CASR: variants seen among roughly 807,000 people sequenced by gnomAD.
CASR encodes extracellular calcium-sensing receptor.
A neutral mutation model predicts 69.1 loss-of-function variants in CASR; 23 were observed. The ratio of observed to expected loss-of-function variants is 0.33; its 90% CI spans 0.24 to 0.47. The LOEUF (loss-of-function observed/expected upper bound fraction) is 0.47, where lower values mean the gene tolerates loss of function less well. Among genes scored for constraint, CASR ranks in the 20% least tolerant of loss-of-function variants. The probability of loss-of-function intolerance (pLI) is 1.00; values close to 1 mark genes in which losing one functional copy is unlikely to be tolerated. For missense variants in CASR, 924 were observed against 1,356.1 expected (o/e 0.68, Z 5.00); for synonymous variants, 541 against 544.7 (o/e 0.99, Z 0.10).
intron 1 of CASR, among the ~76,000 whole-genome samples, chr3:122,215,322 T>A (rs1242625686): frequency 6.6e-6 from 1 of 152,240 alleles, no homozygotes; most frequent in Non-Finnish European, 1.5e-5. Flanking sequence ...CCATGATGCT[T>A]CCACGTCGCT....
At chr3:122,244,768 A>C (rs1217886233) in intron 1 of CASR, among the ~76,000 whole-genome samples, 1 of 152,196 alleles carries the variant, frequency 6.6e-6, no homozygotes, top group African/African-American at 2.4e-5. Context: ...TTTAAGAGTG[A>C]GAGAAAGATA....
intron 1 of CASR, among the ~76,000 whole-genome samples, chr3:122,252,409 A>AGAAGAAAG (rs1553765626): frequency 1.5e-4 from 1 of 6,474 alleles, no homozygotes; most frequent in East Asian, 9.6e-4. Flanking sequence ...GAAGGAAGGA[A>AGAAGAAAG]AAAGAAAGAA....
chr3:122,240,488 C>T (rs544203976), intron 1 of CASR, among the ~76,000 whole-genome samples: 2 of 152,188 alleles, frequency 1.3e-5, no homozygotes, highest in South Asian at 2.1e-4. Context: ...GAGGGTATAA[C>T]AATTTTAAAT....
chr3:122,238,790 C>T (rs2074353711), intron 1 of CASR, among the ~76,000 whole-genome samples: 1 of 152,224 alleles, frequency 6.6e-6, no homozygotes, highest in Non-Finnish European at 1.5e-5. Context: ...ATTCCAGGCC[C>T]TAGTTCCTTG....
intron 6 of CASR, 132 bp from the exon 7 acceptor site, chr3:122,283,555 T>G: frequency 1.4e-6 from 1 of 738,210 alleles, no homozygotes; most frequent in South Asian, 1.5e-5. Context: ...AAAATCAGAA[T>G]GATTTCATCA....
chr3:122,193,130 T>C (rs1019770226), intron 1 of CASR, among the ~76,000 whole-genome samples: 4 of 152,208 alleles, frequency 2.6e-5, no homozygotes, highest in African/African-American at 9.6e-5. Flanking sequence ...ACCTTTTCAT[T>C]TCTGAAAATC....
rs144683594 is a variant in CASR at position 122,270,069 on chromosome 3, T to C, written c.1378-5743T>C. Among the ~76,000 whole-genome samples, 1,495 of 152,272 alleles carry C rather than the reference T, an allele frequency of 9.8e-3. 16 individuals are homozygous for C. Among genetic ancestry groups the C allele is most frequent in the Non-Finnish European group, 0.015 (1,011 of 68,016 alleles). On this transcript the variant is annotated intron_variant, in intron 4 of 6. Coordinates refer to ENST00000639785, the MANE Select transcript of CASR (RefSeq NM_000388.4). ...GTCGACCAGGCTCGTCTCTAACTCC[T>C]GGCCTCAAGTGATCCACCCACCTCG...
At chr3:122,251,112 C>T (rs1307705324) in intron 1 of CASR, among the ~76,000 whole-genome samples, 1 of 152,172 alleles carries the variant, frequency 6.6e-6, no homozygotes, top group Non-Finnish European at 1.5e-5. Context: ...TGAGCGTCTG[C>T]TGGGGTCATC....
chr3:122,226,152 C>A (rs1186774209), intron 1 of CASR, among the ~76,000 whole-genome samples: 1 of 152,160 alleles, frequency 6.6e-6, no homozygotes, highest in Non-Finnish European at 1.5e-5. Flanking sequence ...GCCACGGACC[C>A]TCACGGTGAG....
intron 1 of CASR, among the ~76,000 whole-genome samples, chr3:122,222,838 T>TAAA (rs56177249): frequency 1.3e-5 from 2 of 149,766 alleles, no homozygotes. Flanking sequence ...CTCAACAAAT[T>TAAA]AAAAAAAAAA....
intron 1 of CASR, among the ~76,000 whole-genome samples, chr3:122,242,670 AC>A (rs2074389401): frequency 6.6e-6 from 1 of 152,310 alleles, no homozygotes; most frequent in South Asian, 2.1e-4. Flanking sequence ...AATAGAAAAA[AC>A]AATCCTAAAA....
chr3:122,254,963 C>A (rs1426021967), intron 2 of CASR, among the ~76,000 whole-genome samples: 1 of 149,304 alleles, frequency 6.7e-6, no homozygotes, highest in Non-Finnish European at 1.5e-5. Context: ...ACCCTCCCCA[C>A]CCCCCATCCA....
intron 1 of CASR, among the ~76,000 whole-genome samples, chr3:122,202,477 C>G (rs990077832): frequency 2.2e-5 from 3 of 135,632 alleles, no homozygotes; most frequent in African/African-American, 5.6e-5. Flanking sequence ...AGAGGGAGAC[C>G]GTGGGGAGAG....
Position 122,224,829 on chromosome 3 carries a change from G to C in CASR, c.-242-29119G>C, listed in dbSNP as rs184124319. 1.3e-3 allele frequency among the ~76,000 whole-genome samples: 199 copies of C among 152,166 alleles called. 3 individuals are homozygous for C. The East Asian group carries it at 0.035, about 27-fold the overall frequency. On this transcript the variant is annotated intron_variant, in intron 1 of 6. Coordinates refer to ENST00000639785, the MANE Select transcript of CASR (RefSeq NM_000388.4). ...ACAGTAACCAAAACATCATTGTGCT[G>C]GTACAAAAACAGACACATAGACCAA...
chr3:122,221,742 C>T (rs970131162), intron 1 of CASR, among the ~76,000 whole-genome samples: 33 of 152,224 alleles, frequency 2.2e-4, no homozygotes, highest in Non-Finnish European at 4.7e-4. Flanking sequence ...ATCCCCCCAT[C>T]ATTTATTACA....
chr3:122,208,495 T>G (rs1004472970), intron 1 of CASR, among the ~76,000 whole-genome samples: 6 of 152,226 alleles, frequency 3.9e-5, no homozygotes, highest in African/African-American at 1.2e-4. Flanking sequence ...AGAGAAGTGA[T>G]GATGGGGCAT....
rs76043025 is a variant in CASR, at chr3:122,272,554, C to T, written c.1378-3258C>T. On this transcript the variant is annotated intron_variant, in intron 4 of 6. Transcript: ENST00000639785. The stretch of plus-strand genomic sequence containing the variant: ...CATTTCAGCCCTTTTAAATTTCTAT[C>T]TCCTCTAAGTTTCTCTGTACTTAGA... Among the ~76,000 whole-genome samples the T allele has an allele frequency of 0.018, 2,758 of 152,318 alleles. 203 individuals are homozygous for T. In the East Asian group the frequency reaches 0.26, roughly 15 times the overall value.
chr3:122,194,268 T>C (rs9826770), intron 1 of CASR, among the ~76,000 whole-genome samples: 4,896 of 152,274 alleles, frequency 0.032, 120 homozygotes, highest in Non-Finnish European at 0.048. Flanking sequence ...TGTTCCTAGT[T>C]GGCCTTTTAT....
intron 1 of CASR, among the ~76,000 whole-genome samples, chr3:122,253,305 G>A (rs768611437): frequency 1.2e-4 from 19 of 152,252 alleles, no homozygotes; most frequent in South Asian, 2.1e-4. Context: ...GCAATGGCAC[G>A]ATCTCGGCTC....
Sources: allele counts gnomAD v4.1 joint callset (sites outside exome capture counted in the v4.1 genomes callset), GRCh38; gene constraint gnomAD v4.1.1; transcripts MANE v1.5; gene names NCBI Gene and HGNC (gene_info 2026-07-23, HGNC 2026-07-21).